ANTXR1: variants seen among roughly 807,000 people sequenced by gnomAD.
ANTXR1 encodes the protein anthrax toxin receptor 1.
A neutral mutation model predicts 78.1 loss-of-function variants in ANTXR1; 19 were observed. The ratio of observed to expected loss-of-function variants is 0.24; its 90% CI spans 0.17 to 0.36. The LOEUF (loss-of-function observed/expected upper bound fraction) is 0.36, where lower values mean the gene tolerates loss of function less well. Ranked by LOEUF, ANTXR1 falls within the 10% of genes least tolerant of loss-of-function variation. ANTXR1 has a pLI of 1.00. For missense variants in ANTXR1, 518 were observed against 718.6 expected, an observed-to-expected ratio of 0.72 and a Z score of 3.19; for synonymous variants, 273 against 260.5, an observed-to-expected ratio of 1.05 and a Z score of -0.46.
At chr2:69,172,040 T>C (rs1322975409) in intron 14 of ANTXR1, among the ~76,000 whole-genome samples, 2 of 152,222 alleles carry the variant, frequency 1.3e-5, no homozygotes, top group Non-Finnish European at 2.9e-5. Flanking sequence ...ATAACTCACG[T>C]GAACACCTGC....
intron 3 of ANTXR1, among the ~76,000 whole-genome samples, chr2:69,058,609 G>A (rs1175111165): frequency 6.6e-6 from 1 of 152,136 alleles, no homozygotes; most frequent in African/African-American, 2.4e-5. Flanking sequence ...ATCTGATAAA[G>A]GTGTACAAGG....
chr2:69,079,303 G>T lies in ANTXR1; in HGVS notation c.642+1815G>T, dbSNP rs141970002. Among the ~76,000 whole-genome samples, 198 of 152,180 alleles carry T rather than the reference G, an allele frequency of 1.3e-3. 3 individuals are homozygous for T. The East Asian group carries it at 0.034, about 26-fold the overall frequency. The stretch of plus-strand genomic sequence containing the variant: ...TAACCATGTAAAACAACAACCCAAG[G>T]GATGCAAAACATGATTAATAGCAGG... On this transcript the variant is annotated intron_variant, in intron 8 of 17. Transcript: ENST00000303714.
intron 17 of ANTXR1, among the ~76,000 whole-genome samples, chr2:69,226,048 C>T (rs1675442781): frequency 6.6e-6 from 1 of 152,162 alleles, no homozygotes; most frequent in Non-Finnish European, 1.5e-5. Flanking sequence ...CCCACACTGC[C>T]TCTCCATTGC....
intron 9 of ANTXR1, among the ~76,000 whole-genome samples, chr2:69,096,270 A>T (rs1048130869): frequency 1.2e-4 from 1 of 8,254 alleles, no homozygotes; most frequent in Non-Finnish European, 1.8e-4. Flanking sequence ...GGAAGGAAGG[A>T]AGGAAGGAAG....
rs1490876515 is a variant in ANTXR1 at position 69,196,523 on chromosome 2, G to T, written c.1434+3108G>T. On this transcript the variant is annotated intron_variant, in intron 17 of 17. Coordinates refer to ENST00000303714, the MANE Select transcript of ANTXR1 (RefSeq NM_032208.3). Reference sequence around the variant, plus strand: ...AGGAAAGAATTCCAGGCGAGGCAGGGGGGGCAATATTGTAGCTCTGTCTAT... The same window carrying T: ...AGGAAAGAATTCCAGGCGAGGCAGGTGGGGCAATATTGTAGCTCTGTCTAT... Among the ~76,000 whole-genome samples the T allele has an allele frequency of 2.0e-5, 3 of 152,190 alleles. No homozygotes were observed. In the East Asian group the frequency reaches 5.8e-4, roughly 29 times the overall value.
intron 13 of ANTXR1, among the ~76,000 whole-genome samples, chr2:69,164,563 CAG>C (rs200430609): frequency 0.014 from 2,123 of 152,266 alleles, 29 homozygotes; most frequent in Middle Eastern, 0.027. Context: ...GTGCGGAAGA[CAG>C]AGGAATAAAC....
chr2:69,052,849 A>G (rs1323946568), intron 3 of ANTXR1, among the ~76,000 whole-genome samples: 1 of 151,016 alleles, frequency 6.6e-6, no homozygotes, highest in African/African-American at 2.5e-5. Context: ...TAAGTTGTTT[A>G]TTTTGTTTTT....
At chr2:69,103,096 A>T in intron 10 of ANTXR1, 156 bp downstream of exon 10, 1 of 801,436 alleles carries the variant, frequency 1.2e-6, no homozygotes, top group Non-Finnish European at 2.1e-6. Flanking sequence ...GAGCCCTTAC[A>T]GTGGTTCCAG....
intron 17 of ANTXR1, among the ~76,000 whole-genome samples, chr2:69,196,490 G>A (rs78014707): frequency 1.8e-3 from 269 of 152,280 alleles, no homozygotes; most frequent in African/African-American, 6.1e-3. Context: ...AGCTGCCTAT[G>A]GCTACTCAGG....
At chr2:69,091,155 T>C (rs999771276) in intron 9 of ANTXR1, among the ~76,000 whole-genome samples, 3 of 151,904 alleles carry the variant, frequency 2.0e-5, no homozygotes, top group Non-Finnish European at 4.4e-5. Flanking sequence ...AATTCTCTTC[T>C]TTCACTGGGC....
chr2:69,068,252 T>A (rs1670462125), intron 3 of ANTXR1, among the ~76,000 whole-genome samples: 1 of 152,222 alleles, frequency 6.6e-6, no homozygotes, highest in Non-Finnish European at 1.5e-5. Flanking sequence ...TCAAGGAATT[T>A]AAAGTCTAGA....
At chr2:69,170,200 C>A (rs1673942610) in intron 13 of ANTXR1, 48 bp from the exon 14 acceptor site, 1 of 1,606,310 alleles carries the variant, frequency 6.2e-7, no homozygotes, top group Non-Finnish European at 8.5e-7. Flanking sequence ...TCTTAGGAGG[C>A]AGGTAGCCAG....
chr2:69,149,419 T>C (rs189566509), intron 12 of ANTXR1, among the ~76,000 whole-genome samples: 31 of 152,342 alleles, frequency 2.0e-4, no homozygotes, highest in African/African-American at 7.0e-4. Context: ...TCATTCTCGC[T>C]ACTTCACGGA....
At chr2:69,160,116 A>G (rs780237898) in intron 13 of ANTXR1, among the ~76,000 whole-genome samples, 1 of 152,222 alleles carries the variant, frequency 6.6e-6, no homozygotes, top group African/African-American at 2.4e-5. Context: ...GCCTCCACCC[A>G]TTCCCATATG....
In ANTXR1 at chr2:69,127,700, T is replaced by G. The variant is rs116224192; in HGVS notation, c.951+3057T>G. Among the ~76,000 whole-genome samples the G allele has an allele frequency of 2.8e-3, 419 of 151,684 alleles. 2 individuals carry two copies. Among genetic ancestry groups the G allele is most frequent in the African/African-American group, 9.7e-3 (400 of 41,316 alleles). On this transcript the variant is annotated intron_variant, in intron 12 of 17. Transcript: ENST00000303714. The stretch of plus-strand genomic sequence containing the variant: ...TGGAGGTGGAGAGAAGTTGTCAGAG[T>G]TGGATTTATTTTGAAAGCAGAGCTA...
At chr2:69,094,752 C>T in intron 9 of ANTXR1, among the ~76,000 whole-genome samples, 1 of 152,194 alleles carries the variant, frequency 6.6e-6, no homozygotes, top group East Asian at 1.9e-4. Flanking sequence ...GAGATAATGA[C>T]AACAAAGCCA....
chr2:69,086,093 T>C (rs919409225), intron 8 of ANTXR1, among the ~76,000 whole-genome samples: 3 of 152,160 alleles, frequency 2.0e-5, no homozygotes, highest in African/African-American at 7.2e-5. Context: ...AAGAGATTGG[T>C]CCATTATAAA....
intron 1 of ANTXR1, among the ~76,000 whole-genome samples, chr2:69,021,751 A>G (rs1671196935): frequency 6.6e-6 from 1 of 152,216 alleles, no homozygotes; most frequent in African/African-American, 2.4e-5. Context: ...CTGAAAACGT[A>G]TAATTATAGC....
At chr2:69,068,234 C>A (rs1670461790) in intron 3 of ANTXR1, among the ~76,000 whole-genome samples, 1 of 152,118 alleles carries the variant, frequency 6.6e-6, no homozygotes, top group Non-Finnish European at 1.5e-5. Flanking sequence ...ACAGCCATGG[C>A]CCAGTCCTCA....
Sources: gnomAD v4.1 joint callset for allele counts (sites outside exome capture counted in the v4.1 genomes callset) on GRCh38, gnomAD v4.1.1 for gene constraint, MANE v1.5 for transcripts, NCBI Gene and HGNC (gene_info 2026-07-23, HGNC 2026-07-21) for gene names.